Variants in CCSER1 observed in about 807,000 individuals in gnomAD.
CCSER1 encodes the protein serine-rich coiled-coil domain-containing protein 1.
In CCSER1, 41 loss-of-function variants were observed where a neutral mutation model predicts 82.0. The observed-to-expected ratio is 0.50, with a 90% CI of 0.39 to 0.65. CCSER1 has a LOEUF of 0.65. Ranked by LOEUF, CCSER1 falls within the 30% of genes least tolerant of loss-of-function variation. CCSER1 has a pLI of 0.00. For synonymous variants in CCSER1, 414 were observed against 383.9 expected (o/e 1.08, Z -0.92); for missense variants, 1,119 against 1,064.2 (o/e 1.05, Z -0.72).
intron 8 of CCSER1, among the ~76,000 whole-genome samples, chr4:90,898,796 C>G (rs968557934): frequency 6.6e-6 from 1 of 151,720 alleles, no homozygotes; most frequent in South Asian, 2.1e-4. Flanking sequence ...TTCTGTTCCA[C>G]TGCTCTATGT....
At chr4:90,162,015 C>T (rs564336169) in intron 1 of CCSER1, among the ~76,000 whole-genome samples, 2 of 152,204 alleles carry the variant, frequency 1.3e-5, no homozygotes, top group African/African-American at 4.8e-5. Flanking sequence ...CAAGTCTATT[C>T]TTCTGGCTCA....
intron 5 of CCSER1, among the ~76,000 whole-genome samples, chr4:90,516,342 C>A (rs771090094): frequency 5.3e-5 from 8 of 152,040 alleles, no homozygotes; most frequent in Non-Finnish European, 1.0e-4. Context: ...TATGGGGATT[C>A]ATTTATAAAG....
At chr4:91,460,844 C>A (rs1346070302) in intron 10 of CCSER1, among the ~76,000 whole-genome samples, 1 of 151,976 alleles carries the variant, frequency 6.6e-6, no homozygotes, top group Admixed American at 6.6e-5. Context: ...GCTTTCACCA[C>A]AAATCCCAAA....
intron 10 of CCSER1, among the ~76,000 whole-genome samples, chr4:91,366,153 G>A (rs1034840055): frequency 1.3e-5 from 2 of 151,984 alleles, no homozygotes; most frequent in Admixed American, 6.6e-5. Context: ...TGAGTAGCTG[G>A]GATTACAGGC....
At chr4:90,915,794 C>T (rs1160828517) in intron 8 of CCSER1, among the ~76,000 whole-genome samples, 1 of 152,048 alleles carries the variant, frequency 6.6e-6, no homozygotes, top group African/African-American at 2.4e-5. Context: ...TCTCCTTAAG[C>T]TGATAAGCAA....
At chr4:90,243,969 G>A (rs1285130718) in intron 1 of CCSER1, among the ~76,000 whole-genome samples, 1 of 151,266 alleles carries the variant, frequency 6.6e-6, no homozygotes, top group Admixed American at 6.6e-5. Flanking sequence ...ATTAAACTTT[G>A]CTTCTTAACT....
intron 10 of CCSER1, among the ~76,000 whole-genome samples, chr4:91,263,446 T>G (rs2149169256): frequency 6.6e-6 from 1 of 152,132 alleles, no homozygotes; most frequent in Middle Eastern, 3.4e-3. Flanking sequence ...TTTTCCTAAA[T>G]ATATATCACT....
intron 7 of CCSER1, among the ~76,000 whole-genome samples, chr4:90,813,740 C>G (rs1477302773): frequency 6.6e-6 from 1 of 152,182 alleles, no homozygotes; most frequent in Non-Finnish European, 1.5e-5. Context: ...AATTAAACCT[C>G]TTTTTCTTTC....
At chr4:91,551,423 C>A (rs1026677193) in intron 10 of CCSER1, among the ~76,000 whole-genome samples, 1 of 152,036 alleles carries the variant, frequency 6.6e-6, no homozygotes, top group Non-Finnish European at 1.5e-5. Context: ...ACCTAACCTG[C>A]TGCAAAACCT....
intron 10 of CCSER1, among the ~76,000 whole-genome samples, chr4:91,481,045 C>G (rs1305448441): frequency 2.2e-5 from 3 of 133,666 alleles, no homozygotes; most frequent in Non-Finnish European, 4.8e-5. Context: ...CCCTCCCCTC[C>G]CCACCCCTGC....
rs141156616 is a variant in CCSER1, at chr4:91,246,904, G to A, written c.2217+160910G>A. Among the ~76,000 whole-genome samples the A allele has an allele frequency of 9.6e-4, 145 of 150,852 alleles. No homozygotes were observed. The South Asian group carries it at 0.016, about 17-fold the overall frequency. On this transcript the variant is annotated intron_variant, in intron 10 of 10. Coordinates refer to ENST00000509176, the MANE Select transcript of CCSER1 (RefSeq NM_001145065.2). Reference sequence around the variant, plus strand: ...AGAGACTCAACAATATTTGCATTAGGGCCATACAAATTCAACAATAATTAC... The same window carrying A: ...AGAGACTCAACAATATTTGCATTAGAGCCATACAAATTCAACAATAATTAC...
chr4:91,101,566 C>T (rs534836159), intron 10 of CCSER1, among the ~76,000 whole-genome samples: 57 of 150,008 alleles, frequency 3.8e-4, no homozygotes, highest in Admixed American at 2.7e-3. Flanking sequence ...ACTCGGGAGG[C>T]GGAGGTTGCA....
At chr4:90,527,975 G>A (rs1238418270) in intron 5 of CCSER1, among the ~76,000 whole-genome samples, 1 of 152,048 alleles carries the variant, frequency 6.6e-6, no homozygotes, top group Non-Finnish European at 1.5e-5. Flanking sequence ...GGGAAATTAT[G>A]ATGATTTAAA....
intron 10 of CCSER1, among the ~76,000 whole-genome samples, chr4:91,224,095 C>A (rs1260977962): frequency 2.7e-5 from 4 of 150,452 alleles, no homozygotes; most frequent in African/African-American, 7.3e-5. Flanking sequence ...GGTGACTGAG[C>A]TGTTCTTGAA....
At chr4:90,723,336 G>T (rs1171072636) in intron 6 of CCSER1, among the ~76,000 whole-genome samples, 1 of 151,806 alleles carries the variant, frequency 6.6e-6, no homozygotes, top group Non-Finnish European at 1.5e-5. Flanking sequence ...TTACATTTGT[G>T]TAAATCTTTT....
intron 10 of CCSER1, among the ~76,000 whole-genome samples, chr4:91,548,901 C>T (rs1407757225): frequency 6.6e-6 from 1 of 152,060 alleles, no homozygotes; most frequent in Non-Finnish European, 1.5e-5. Flanking sequence ...ATGTATATTA[C>T]ATTAATTGGG....
At chr4:91,234,088 T>C (rs1738825670) in intron 10 of CCSER1, among the ~76,000 whole-genome samples, 1 of 151,992 alleles carries the variant, frequency 6.6e-6, no homozygotes, top group Admixed American at 6.6e-5. Flanking sequence ...TATAAGAAGA[T>C]AATAGAATGA....
intron 10 of CCSER1, among the ~76,000 whole-genome samples, chr4:91,489,524 G>A (rs1758399554): frequency 6.6e-6 from 1 of 152,050 alleles, no homozygotes; most frequent in African/African-American, 2.4e-5. Flanking sequence ...AGCTTCCTAG[G>A]CCGGGCACGG....
intron 7 of CCSER1, among the ~76,000 whole-genome samples, chr4:90,772,432 T>C (rs1412219794): frequency 6.6e-6 from 1 of 152,172 alleles, no homozygotes; most frequent in Non-Finnish European, 1.5e-5. Flanking sequence ...TTCTATATAT[T>C]CTAACAGATA....
Sources: gnomAD v4.1 joint callset for allele counts (sites outside exome capture counted in the v4.1 genomes callset) on GRCh38, gnomAD v4.1.1 for gene constraint, MANE v1.5 for transcripts, NCBI Gene and HGNC (gene_info 2026-07-23, HGNC 2026-07-21) for gene names.